The following PPP1R14C variants were observed in gnomAD, a reference collection of about 807,000 sequenced individuals.
PPP1R14C encodes protein phosphatase 1 regulatory subunit 14C.
A neutral mutation model predicts 20.4 loss-of-function variants in PPP1R14C; 16 were observed. That is an observed-to-expected ratio of 0.78 (90% CI 0.53 to 1.19). PPP1R14C has a LOEUF of 1.19. Among genes scored for constraint, PPP1R14C ranks in the 50% most tolerant of loss-of-function variants. The pLI, the probability that PPP1R14C is intolerant of heterozygous loss-of-function variation, is 0.00. For synonymous variants in PPP1R14C, 91 were observed against 91.0 expected (o/e 1.00, Z 0.00); for missense variants, 211 against 220.1 (o/e 0.96, Z 0.26).
At chr6:150,173,496 G>T (rs566252845) in intron 1 of PPP1R14C, among the ~76,000 whole-genome samples, 1 of 152,120 alleles carries the variant, frequency 6.6e-6, no homozygotes, top group Non-Finnish European at 1.5e-5. Context: ...TTCTCAGGGG[G>T]CTCAGATCTC....
At chr6:150,196,975 G>T (rs528751943) in intron 1 of PPP1R14C, among the ~76,000 whole-genome samples, 29 of 152,328 alleles carry the variant, frequency 1.9e-4, no homozygotes, top group Admixed American at 7.2e-4. Context: ...AAGATGCCAA[G>T]AACTTCCTGG....
In PPP1R14C at chr6:150,250,091, T is replaced by G. The variant is rs571332971; in HGVS notation, c.*1271T>G. The G allele has an allele frequency of 6.6e-6, 1 of 152,626 alleles. No homozygotes were observed. Among genetic ancestry groups the G allele is most frequent in the Non-Finnish European group, 1.5e-5 (1 of 68,060 alleles). 9.5% of individuals were successfully genotyped at this position (152,626 alleles called of 1,614,324 possible). On this transcript the variant is annotated 3_prime_UTR_variant, in exon 4 of 4. Coordinates refer to ENST00000361131, the MANE Select transcript of PPP1R14C (RefSeq NM_030949.3). ...GATGGAATGTGGGATGGGTAATAGG[T>G]GAGAGTAGAAACCCTTCCCTCCAGG...
intron 1 of PPP1R14C, among the ~76,000 whole-genome samples, chr6:150,197,914 T>A (rs9371815): frequency 6.3e-4 from 42 of 67,192 alleles, no homozygotes; most frequent in East Asian, 5.3e-3. Context: ...TGCCCCTGCC[T>A]GCCACGGTGG....
At chr6:150,247,683 T>A (rs796879099) in intron 3 of PPP1R14C, among the ~76,000 whole-genome samples, 7 of 152,324 alleles carry the variant, frequency 4.6e-5, no homozygotes, top group African/African-American at 9.6e-5. Flanking sequence ...GTGGTTTTTT[T>A]ATCTATAGTT....
At chr6:150,176,899 G>A (rs1777568894) in intron 1 of PPP1R14C, among the ~76,000 whole-genome samples, 1 of 152,188 alleles carries the variant, frequency 6.6e-6, no homozygotes, top group Non-Finnish European at 1.5e-5. Context: ...AAGGAAGAGG[G>A]AGGAGAGATC....
intron 1 of PPP1R14C, among the ~76,000 whole-genome samples, chr6:150,210,065 C>T (rs538495182): frequency 6.6e-6 from 1 of 152,100 alleles, no homozygotes; most frequent in Non-Finnish European, 1.5e-5. Context: ...GTTTCAGGAC[C>T]CTGCTTTGCT....
intron 1 of PPP1R14C, among the ~76,000 whole-genome samples, chr6:150,155,313 G>A (rs1777293869): frequency 6.6e-6 from 1 of 152,184 alleles, no homozygotes; most frequent in African/African-American, 2.4e-5. Context: ...GTTCTGGCAG[G>A]AAGTGAAAAG....
At chr6:150,210,120 C>T (rs752650462) in intron 1 of PPP1R14C, among the ~76,000 whole-genome samples, 5 of 152,124 alleles carry the variant, frequency 3.3e-5, no homozygotes, top group Admixed American at 2.0e-4. Context: ...GAGCTTCATC[C>T]GTGGCATGCC....
At chr6:150,235,067 T>C (rs1411397868) in intron 3 of PPP1R14C, among the ~76,000 whole-genome samples, 1 of 152,134 alleles carries the variant, frequency 6.6e-6, no homozygotes, top group Non-Finnish European at 1.5e-5. Flanking sequence ...AAGACATCTT[T>C]GGTGGTGATG....
chr6:150,168,236 GA>G (rs1020692143), intron 1 of PPP1R14C, among the ~76,000 whole-genome samples: 4 of 143,492 alleles, frequency 2.8e-5, no homozygotes, highest in African/African-American at 5.2e-5. Context: ...TCTCATGGGA[GA>G]AAAAAATCCC....
intron 1 of PPP1R14C, among the ~76,000 whole-genome samples, chr6:150,191,171 C>G (rs973606155): frequency 6.6e-6 from 1 of 152,186 alleles, no homozygotes; most frequent in African/African-American, 2.4e-5. Flanking sequence ...AGGACCTTAT[C>G]ATACGTCAGG....
chr6:150,243,045 T>A (rs1358424142), intron 3 of PPP1R14C, among the ~76,000 whole-genome samples: 2 of 152,210 alleles, frequency 1.3e-5, no homozygotes, highest in Non-Finnish European at 2.9e-5. Context: ...AGAGTAGAGA[T>A]AAATCATGTC....
At chr6:150,233,573 A>G (rs1472901214) in intron 3 of PPP1R14C, among the ~76,000 whole-genome samples, 2 of 152,214 alleles carry the variant, frequency 1.3e-5, no homozygotes, top group African/African-American at 2.4e-5. Flanking sequence ...GATAGTGATC[A>G]TAGTGGCAGT....
chr6:150,166,666 C>A (rs879593729), intron 1 of PPP1R14C, among the ~76,000 whole-genome samples: 9 of 152,180 alleles, frequency 5.9e-5, no homozygotes, highest in Non-Finnish European at 1.2e-4. Context: ...TGCTCTGAAG[C>A]CTTTTGAGGC....
At chr6:150,165,819 C>T (rs183820970) in intron 1 of PPP1R14C, among the ~76,000 whole-genome samples, 1 of 151,960 alleles carries the variant, frequency 6.6e-6, no homozygotes, top group East Asian at 1.9e-4. Context: ...CAAACAAAAC[C>T]CTACAAAGAA....
chr6:150,166,067 C>T (rs1777418555), intron 1 of PPP1R14C, among the ~76,000 whole-genome samples: 1 of 148,830 alleles, frequency 6.7e-6, no homozygotes, highest in South Asian at 2.2e-4. Flanking sequence ...CCACATACCG[C>T]TCTTCTTCTT....
At chr6:150,226,531 T>C (rs768180525) in intron 3 of PPP1R14C, among the ~76,000 whole-genome samples, 1 of 152,078 alleles carries the variant, frequency 6.6e-6, no homozygotes, top group Non-Finnish European at 1.5e-5. Context: ...GAACCTCCAT[T>C]GTACTGGGAG....
At chr6:150,239,923 G>A (rs1582934561) in intron 3 of PPP1R14C, among the ~76,000 whole-genome samples, 2 of 152,180 alleles carry the variant, frequency 1.3e-5, no homozygotes. Flanking sequence ...GCGTGGTGGT[G>A]CATGCCTGTA....
At position 150,143,593 on chromosome 6, in the gene PPP1R14C, G is replaced by A; in HGVS notation, c.306+95G>A. On this transcript the variant is annotated intron_variant, in intron 1 of 3. Transcript: ENST00000361131. This position sits in a 1 kb window ranked among gnomAD's most constrained non-coding sequence, Gnocchi z 5.6. ...CGGGCTCCAGCTCCGGGGCGCGCAT[G>A]TCCCTGACTCCCGGGGACCAAGTGC... is the stretch of plus-strand genomic sequence containing the variant. The A allele has an allele frequency of 1.1e-6, 1 of 897,424 alleles. No individual in the cohort carries two copies. The highest frequency in any genetic ancestry group is 1.7e-6 in the Non-Finnish European group (1 of 598,832). The allele number at this position is 897,424 out of a possible 1,614,324, so 55.6% of individuals were successfully genotyped here.
Sources: allele counts gnomAD v4.1 joint callset (sites outside exome capture counted in the v4.1 genomes callset), GRCh38; gene constraint gnomAD v4.1.1; non-coding constraint Gnocchi (gnomAD v3.1); transcripts MANE v1.5; gene names NCBI Gene and HGNC (gene_info 2026-07-23, HGNC 2026-07-21).